The following PRC1 variants were observed in gnomAD, a reference collection of about 807,000 sequenced individuals.
PRC1 encodes anaphase spindle elongation 1 homolog.
In PRC1, 54 loss-of-function variants were observed where a neutral mutation model predicts 91.2. The observed-to-expected ratio is 0.59, with a 90% confidence interval of 0.48 to 0.74. PRC1 has a LOEUF of 0.74. Ranked by LOEUF, PRC1 falls within the 30% of genes least tolerant of loss-of-function variation. The pLI, the probability that PRC1 is intolerant of heterozygous loss-of-function variation, is 0.00. For synonymous variants in PRC1, 275 were observed against 263.6 expected (o/e 1.04, Z -0.42); for missense variants, 727 against 746.2 (o/e 0.97, Z 0.30).
At position 90,971,203 on chromosome 15, in the gene PRC1, A is replaced by G. The variant is rs945927039; in HGVS notation, c.1462-689T>C. Among the ~76,000 whole-genome samples, 4 of 152,234 alleles carry G rather than the reference A, an allele frequency of 2.6e-5. No individual in the cohort carries two copies. In the East Asian group the frequency reaches 7.7e-4, roughly 29 times the overall value. ...GAGGCACTAGGAAACTTTGGGGACC[A>G]TGAAATGTTCATTATCTAAATTATG... On this transcript the variant is annotated intron_variant, in intron 11 of 14. Coordinates refer to ENST00000394249, the MANE Select transcript of PRC1 (RefSeq NM_003981.4).
chr15:90,976,023 C>T (rs1352914578), intron 9 of PRC1, among the ~76,000 whole-genome samples: 1 of 152,112 alleles, frequency 6.6e-6, no homozygotes, highest in Non-Finnish European at 1.5e-5. Flanking sequence ...AGATTTACAG[C>T]TTCTAGAGTT....
At chr15:90,972,185 CAAA>C (rs79751458) in intron 11 of PRC1, among the ~76,000 whole-genome samples, 1 of 58,626 alleles carries the variant, frequency 1.7e-5, no homozygotes, top group Non-Finnish European at 3.6e-5. Context: ...TACTGAAACT[CAAA>C]AAAAAAAAAA....
intron 6 of PRC1, 122 bp from the exon 7 acceptor site, chr15:90,980,511 ACTTT>A (rs1316391853): frequency 1.7e-5 from 14 of 811,492 alleles, no homozygotes; most frequent in East Asian, 3.1e-5. Flanking sequence ...ATAAATCAAC[ACTTT>A]TTTTTTTTTT....
chr15:90,987,138 G>A (rs549499965), intron 1 of PRC1, among the ~76,000 whole-genome samples: 35 of 151,610 alleles, frequency 2.3e-4, no homozygotes, highest in Non-Finnish European at 3.7e-4. Flanking sequence ...AAAATTAGCC[G>A]GGCACGGTGA....
intron 8 of PRC1, among the ~76,000 whole-genome samples, chr15:90,978,754 A>G (rs1238753402): frequency 2.1e-5 from 1 of 48,552 alleles, no homozygotes; most frequent in Non-Finnish European, 3.2e-5. Context: ...ACTCCACCTC[A>G]AAAAAAAAAA....
chr15:90,970,446 G>C lies in PRC1; in HGVS notation c.1530C>G (p.Val510=). 1.2e-6 allele frequency: 2 copies of C among 1,613,674 alleles called. No individual in the cohort carries two copies. The highest frequency in any genetic ancestry group is 2.7e-5 in the African/African-American group (2 of 75,024). ...SSIRPIFGGT[V]YHSPVSRLPP... The stretch of plus-strand genomic sequence containing the variant: ...GAAGTCGAGACACGGGGGAGTGGTA[G>C]ACTGTCCCTCCAAAGATAGGCCGAA... The change falls in exon 12 of 15, where the codon GTC becomes GTG. Residue 510 remains valine (V), a synonymous_variant. Transcript: ENST00000394249.
intron 13 of PRC1, 82 bp from the exon 14 acceptor site, chr15:90,969,202 G>T: frequency 7.0e-7 from 1 of 1,427,014 alleles, no homozygotes; most frequent in Non-Finnish European, 9.9e-7. Context: ...GCCTCCTGCA[G>T]CCAGGGAATG....
At chr15:90,983,014 A>G (rs2039323432) in intron 3 of PRC1, among the ~76,000 whole-genome samples, 1 of 152,204 alleles carries the variant, frequency 6.6e-6, no homozygotes, top group Admixed American at 6.5e-5. Context: ...ATTGTGAACT[A>G]GGAACATCAG....
chr15:90,971,548 G>T (rs8026371), intron 11 of PRC1, among the ~76,000 whole-genome samples: 5,732 of 151,000 alleles, frequency 0.038, 370 homozygotes, highest in African/African-American at 0.13. Flanking sequence ...TCCCGAAGTA[G>T]TGGGATTACA....
At chr15:90,969,700 C>A in intron 12 of PRC1, 77 bp from the exon 13 acceptor site, 2 of 1,299,460 alleles carry the variant, frequency 1.5e-6, no homozygotes, top group South Asian at 3.8e-5. Context: ...CTGCACTGGT[C>A]AAAGGCTGAG....
chr15:90,983,835 ACT>A, intron 3 of PRC1, 181 bp downstream of exon 3: 1 of 688,444 alleles, frequency 1.5e-6, no homozygotes, highest in East Asian at 2.9e-5. Flanking sequence ...TACCAGGGCA[ACT>A]CTCTACAGAG....
At chr15:90,985,619 T>G (rs1181725553) in intron 1 of PRC1, 1 of 151,490 alleles carries the variant, frequency 6.6e-6, no homozygotes, top group Non-Finnish European at 1.5e-5. Flanking sequence ...AGTGCAGTGG[T>G]GAGATCTCAG....
chr15:90,973,999 TTTC>T, intron 11 of PRC1, 134 bp downstream of exon 11: 2 of 704,326 alleles, frequency 2.8e-6, no homozygotes, highest in Non-Finnish European at 4.9e-6. Context: ...TTGTGTCTTA[TTTC>T]TTTTCTCTGT....
At chr15:90,992,362 T>G (rs1266153805) in intron 1 of PRC1, among the ~76,000 whole-genome samples, 1 of 152,212 alleles carries the variant, frequency 6.6e-6, no homozygotes, top group Non-Finnish European at 1.5e-5. Flanking sequence ...ACACTTGCAA[T>G]GGTTCCTTGT....
chr15:90,977,574 ACGTTTTT>A (rs1410282320), intron 8 of PRC1, among the ~76,000 whole-genome samples: 1 of 126,992 alleles, frequency 7.9e-6, no homozygotes, highest in Non-Finnish European at 1.7e-5. Context: ...CTCCTTATTT[ACGTTTTT>A]TTTTTTTTTT....
intron 9 of PRC1, 60 bp downstream of exon 9, chr15:90,976,616 C>G (rs72759311): frequency 1.5e-6 from 2 of 1,303,922 alleles, no homozygotes; most frequent in South Asian, 1.2e-5. Flanking sequence ...AAGAAAAAGA[C>G]ATACAAATAG....
chr15:90,987,109 T>TAA (rs34262021), intron 1 of PRC1, among the ~76,000 whole-genome samples: 23 of 124,990 alleles, frequency 1.8e-4, no homozygotes, highest in African/African-American at 4.5e-4. Context: ...CTCTGCGTCT[T>TAA]AAAAAAAAAA....
In PRC1 at chr15:90,969,509, A is replaced by G. The variant is rs2037860939; in HGVS notation, c.1687T>C (p.Ser563Pro). 6.2e-7 allele frequency: 1 copy of G among 1,613,348 alleles called. No homozygotes were observed. The highest frequency in any genetic ancestry group is 1.3e-5 in the African/African-American group (1 of 74,978). Residue 563 changes from serine (S) to proline (P), a missense_variant, in exon 13 of 15, where the codon TCG (serine) becomes CCG (proline). Physicochemically the swap from Ser to Pro is moderately conservative, Grantham distance 74. Transcript: ENST00000394249. ...CTGAAGTTGCGCTGGAGGGGGGCCG[A>G]GCCAGGGTACCCACCACTCAGGATG... Reference protein sequence around the residue: ...GSILSGGYPGSAPLQRNFSIN... With the variant: ...GSILSGGYPGPAPLQRNFSIN...
intron 1 of PRC1, chr15:90,986,031 G>C (rs2039550849): frequency 6.6e-6 from 1 of 152,206 alleles, no homozygotes; most frequent in African/African-American, 2.4e-5. Flanking sequence ...AATGGCTAAA[G>C]TTAAAAAGAC....
Sources: gnomAD v4.1 joint callset for allele counts (sites outside exome capture counted in the v4.1 genomes callset) on GRCh38, gnomAD v4.1.1 for gene constraint, MANE v1.5 for transcripts, NCBI Gene and HGNC (gene_info 2026-07-23, HGNC 2026-07-21) for gene names.